The following CLU variants were observed in gnomAD, a reference collection of about 807,000 sequenced individuals.
The protein encoded by CLU is aging-associated protein 4.
A neutral mutation model predicts 46.4 loss-of-function variants in CLU; 25 were observed. That is an observed-to-expected ratio of 0.54 (90% CI 0.39 to 0.75). The LOEUF (loss-of-function observed/expected upper bound fraction) is 0.75. CLU is among the 30% of genes least tolerant of loss of function. CLU has a pLI of 0.00. For missense variants in CLU, 504 were observed against 592.1 expected, an observed-to-expected ratio of 0.85 and a Z score of 1.54; for synonymous variants, 235 against 235.1, an observed-to-expected ratio of 1.00 and a Z score of 0.00.
At position 27,600,305 on chromosome 8, in the gene CLU, G is replaced by A. The variant is rs146246577; in HGVS notation, c.935-296C>T. 2.0e-4 allele frequency among the ~76,000 whole-genome samples: 30 copies of A among 151,908 alleles called. 1 individual carries two copies. In the East Asian group the frequency reaches 5.4e-3, roughly 27 times the overall value. On this transcript the variant is annotated intron_variant, in intron 6 of 8. Coordinates refer to ENST00000316403, the MANE Select transcript of CLU (RefSeq NM_001831.4). ...GCTGGAATACAGTGGTGAGATCTCG[G>A]CTCACTGCAGCCTTGACTTCCCAGG...
chr8:27,609,175 T>C (rs1800877826), intron 2 of CLU, 89 bp from the exon 3 acceptor site: 2 of 1,440,490 alleles, frequency 1.4e-6, no homozygotes, highest in South Asian at 2.3e-5. Flanking sequence ...GAAAGGCCCG[T>C]TCAGTTCAGG....
chr8:27,604,491 C>A (rs28541694), intron 5 of CLU, 96 bp from the exon 6 acceptor site: 2 of 1,035,006 alleles, frequency 1.9e-6, no homozygotes, highest in Admixed American at 2.0e-5. Context: ...TTTTAATTTA[C>A]AGACAGGGTC....
intron 6 of CLU, among the ~76,000 whole-genome samples, chr8:27,603,638 A>C (rs1219439877): frequency 6.6e-6 from 1 of 152,290 alleles, no homozygotes; most frequent in East Asian, 1.9e-4. Flanking sequence ...GGACCAACCA[A>C]CCGACCAAAG....
At chr8:27,607,991 A>G (rs1292548661) in intron 3 of CLU, among the ~76,000 whole-genome samples, 3 of 152,200 alleles carry the variant, frequency 2.0e-5, no homozygotes, top group African/African-American at 7.2e-5. Flanking sequence ...TTGAATGTCA[A>G]ACTCCAGTGA....
At chr8:27,600,093 C>G (rs1800693713) in intron 6 of CLU, 84 bp from the exon 7 acceptor site, 1 of 1,042,772 alleles carries the variant, frequency 9.6e-7, no homozygotes, top group African/African-American at 1.6e-5. Context: ...TGGAAGTTAG[C>G]ACATGCAGCG....
In CLU at chr8:27,598,069, C is replaced by G. The variant is rs1293887794; in HGVS notation, c.*172G>C. The G allele has an allele frequency of 2.8e-6, 2 of 715,674 alleles. No homozygotes were observed. 44.3% of individuals were successfully genotyped at this position (715,674 alleles called of 1,614,324 possible). On this transcript the variant is annotated 3_prime_UTR_variant, in exon 9 of 9. Coordinates refer to ENST00000316403, the MANE Select transcript of CLU (RefSeq NM_001831.4). The stretch of plus-strand genomic sequence containing the variant: ...CTGTTCTTCCCATGAGCAGCAGAGT[C>G]GAGTGTTAGAGTGCAGGATCCAGAG...
rs9331885 is a variant in CLU at position 27,611,639 on chromosome 8, C to T, written c.-29-1039G>A. The T allele has an allele frequency of 1.1e-3, 501 of 457,866 alleles. 1 individual carries two copies. The highest frequency in any genetic ancestry group is 9.2e-3 in the African/African-American group (464 of 50,206). 28.4% of individuals were successfully genotyped at this position (457,866 alleles called of 1,614,324 possible). On this transcript the variant is annotated intron_variant, in intron 1 of 8. Transcript: ENST00000316403. ...CAGAACCAACAGGACGATGGGGTTC[C>T]CCTTCCTGAAATGGTTCACATCCAA...
In CLU at chr8:27,604,606, G is replaced by A. The variant is rs1342001269; in HGVS notation, c.830-211C>T. On this transcript the variant is annotated intron_variant, in intron 5 of 8. Transcript: ENST00000316403. ...TCTTGCCTCAGCCTCCCGAGTAGCTGAGACTACAGGTGTGCACCACCACAC... is the reference window on the plus strand; with the variant it reads ...TCTTGCCTCAGCCTCCCGAGTAGCTAAGACTACAGGTGTGCACCACCACAC... 2.6e-5 allele frequency among the ~76,000 whole-genome samples: 4 copies of A among 152,154 alleles called. No individual in the cohort carries two copies. The East Asian group carries it at 7.7e-4, about 29-fold the overall frequency.
intron 3 of CLU, among the ~76,000 whole-genome samples, chr8:27,607,420 A>G (rs796462143): frequency 7.2e-5 from 11 of 152,206 alleles, no homozygotes; most frequent in African/African-American, 2.6e-4. Flanking sequence ...ATACTTAAAA[A>G]TATTTGAAAC....
intron 1 of CLU, among the ~76,000 whole-genome samples, chr8:27,612,293 T>G (rs1300305437): frequency 6.6e-6 from 1 of 152,212 alleles, no homozygotes; most frequent in African/African-American, 2.4e-5. Flanking sequence ...TCCAGTATTC[T>G]TTCCTTGATT....
At chr8:27,606,655 C>T in intron 3 of CLU, 131 bp from the exon 4 acceptor site, 1 of 1,000,220 alleles carries the variant, frequency 1.0e-6, no homozygotes. Context: ...CATGCAAGTG[C>T]CTACCCTTGC....
rs9331942 is a variant in CLU at position 27,597,597 on chromosome 8, A to G, written c.*644T>C. 28,634 of 454,096 alleles carry G rather than the reference A, an allele frequency of 0.063. 1,944 individuals are homozygous for G. The highest frequency in any genetic ancestry group is 0.31 in the East Asian group (4,491 of 14,392). 28.1% of individuals were successfully genotyped at this position (454,096 alleles called of 1,614,324 possible). A position where few individuals can be genotyped will look rare whatever the true frequency, so the allele number is the denominator to read the frequency against. On this transcript the variant is annotated 3_prime_UTR_variant, in exon 9 of 9. Coordinates refer to ENST00000316403, the MANE Select transcript of CLU (RefSeq NM_001831.4). Reference sequence around the variant, plus strand: ...AAATGTTTTCATAACGAAAACATCAATTATGCATTATAATACCAAGTACAC... The same window carrying G: ...AAATGTTTTCATAACGAAAACATCAGTTATGCATTATAATACCAAGTACAC...
chr8:27,607,502 CTA>C (rs1800843405), intron 3 of CLU, among the ~76,000 whole-genome samples: 3 of 150,848 alleles, frequency 2.0e-5, no homozygotes, highest in Admixed American at 1.3e-4. Context: ...ATTAAACAAA[CTA>C]TGGTTCATAT....
intron 6 of CLU, among the ~76,000 whole-genome samples, chr8:27,602,123 G>A (rs66969288): frequency 0.21 from 32,430 of 151,922 alleles, 3,765 homozygotes; most frequent in Non-Finnish European, 0.26. Context: ...AAAAATCCTT[G>A]AGAGCTGAGG....
In CLU at chr8:27,598,604, G is replaced by A. The variant is rs1419183581; in HGVS notation, c.1196C>T (p.Pro399Leu). Residue 399 changes from proline to leucine, a missense_variant, in exon 8 of 9, where the codon CCT (proline) becomes CTT (leucine). By Grantham distance (98) the Pro-to-Leu change is moderately conservative (BLOSUM62 -3). Transcript: ENST00000316403. Reference protein sequence around the residue: ...VASHTSDSDVPSGVTEVVVKL... With the variant: ...VASHTSDSDVLSGVTEVVVKL... ...CACGACCACCTCAGTGACACCGGAA[G>A]GAACGTCCGAGTCAGAAGTGTGGGA... 6.2e-7 allele frequency: 1 copy of A among 1,614,164 alleles called. No individual in the cohort carries two copies. The highest frequency in any genetic ancestry group is 1.7e-5 in the Admixed American group (1 of 60,026).
chr8:27,597,569 A>C lies in CLU; in HGVS notation c.*672T>G. 1 of 454,158 alleles carries C rather than the reference A, an allele frequency of 2.2e-6. No individual in the cohort carries two copies. Among genetic ancestry groups the C allele is most frequent in the Non-Finnish European group, 4.4e-6 (1 of 226,796 alleles). The allele number at this position is 454,158 out of a possible 1,614,324, so 28.1% of individuals were successfully genotyped here. A position where few individuals can be genotyped will look rare whatever the true frequency, so the allele number is the denominator to read the frequency against. On this transcript the variant is annotated 3_prime_UTR_variant, in exon 9 of 9. Coordinates refer to ENST00000316403, the MANE Select transcript of CLU (RefSeq NM_001831.4). ...AAACTGATAATTTGGACTTCTGGGC[A>C]CCAAATGTTTTCATAACGAAAACAT...
chr8:27,597,121 A>G lies in CLU; in HGVS notation c.*1120T>C. 1 of 454,140 alleles carries G rather than the reference A, an allele frequency of 2.2e-6. No homozygotes were observed. Among genetic ancestry groups the G allele is most frequent in the Non-Finnish European group, 4.4e-6 (1 of 226,790 alleles). 28.1% of individuals were successfully genotyped at this position (454,140 alleles called of 1,614,324 possible). A position where few individuals can be genotyped will look rare whatever the true frequency, so the allele number is the denominator to read the frequency against. Reference sequence around the variant, plus strand: ...GCTAAGCTTTAAGTTTGTTGTTTATAACTTCAAAGAGAGACAAGGGACAGT... The same window carrying G: ...GCTAAGCTTTAAGTTTGTTGTTTATGACTTCAAAGAGAGACAAGGGACAGT... On this transcript the variant is annotated 3_prime_UTR_variant, in exon 9 of 9. Transcript: ENST00000316403.
chr8:27,603,848 C>T (rs974973581), intron 6 of CLU, among the ~76,000 whole-genome samples: 1 of 152,126 alleles, frequency 6.6e-6, no homozygotes, highest in Non-Finnish European at 1.5e-5. Flanking sequence ...AAATGTATGT[C>T]GAGTGTTTAG....
At chr8:27,605,877 A>G (rs1276780458) in intron 4 of CLU, among the ~76,000 whole-genome samples, 2 of 151,976 alleles carry the variant, frequency 1.3e-5, no homozygotes, top group African/African-American at 4.8e-5. Flanking sequence ...GTTTACAAAA[A>G]AAAAATACAA....
Sources: gnomAD v4.1 joint callset for allele counts (sites outside exome capture counted in the v4.1 genomes callset) on GRCh38, gnomAD v4.1.1 for gene constraint, MANE v1.5 for transcripts, NCBI Gene and HGNC (gene_info 2026-07-23, HGNC 2026-07-21) for gene names.